GRID2: variants seen among roughly 807,000 people sequenced by gnomAD.
GRID2 encodes glutamate receptor ionotropic, delta-2.
GRID2 carries 33 observed loss-of-function variants against 114.8 expected under a neutral mutation model. The ratio of observed to expected loss-of-function variants is 0.29; its 90% CI spans 0.22 to 0.38. The LOEUF (loss-of-function observed/expected upper bound fraction) is 0.38, where lower values mean the gene tolerates loss of function less well. GRID2 is among the 10% of genes least tolerant of loss of function. GRID2 has a pLI of 1.00. For synonymous variants in GRID2, 505 were observed against 449.9 expected (o/e 1.12, Z -1.55); for missense variants, 1,184 against 1,257.7 (o/e 0.94, Z 0.89).
intron 8 of GRID2, among the ~76,000 whole-genome samples, chr4:93,292,608 T>C (rs1198843281): frequency 1.3e-5 from 2 of 152,166 alleles, no homozygotes; most frequent in Non-Finnish European, 2.9e-5. Context: ...AAACAAAAAA[T>C]GCCAGTCACT....
chr4:93,611,778 A>G (rs1237039620), intron 13 of GRID2, among the ~76,000 whole-genome samples: 1 of 148,352 alleles, frequency 6.7e-6, no homozygotes, highest in Non-Finnish European at 1.5e-5. Flanking sequence ...GTGCTGAAAA[A>G]AATGTATATT....
intron 4 of GRID2, among the ~76,000 whole-genome samples, chr4:93,197,185 C>G (rs1741582996): frequency 6.6e-6 from 1 of 152,138 alleles, no homozygotes; most frequent in African/African-American, 2.4e-5. Flanking sequence ...ACAAAATGTT[C>G]TGCAACATTC....
At chr4:92,971,693 C>G (rs1010701031) in intron 2 of GRID2, among the ~76,000 whole-genome samples, 1 of 151,998 alleles carries the variant, frequency 6.6e-6, no homozygotes, top group Non-Finnish European at 1.5e-5. Flanking sequence ...CCTACCCCCA[C>G]TCCTCCCATT....
chr4:93,562,721 G>T (rs1735041420), intron 13 of GRID2, among the ~76,000 whole-genome samples: 1 of 151,968 alleles, frequency 6.6e-6, no homozygotes, highest in Non-Finnish European at 1.5e-5. Context: ...AGGGAGCAAG[G>T]TTACTACCTA....
At chr4:93,618,372 G>A (rs753013453) in intron 13 of GRID2, among the ~76,000 whole-genome samples, 20 of 151,690 alleles carry the variant, frequency 1.3e-4, no homozygotes, top group African/African-American at 4.1e-4. Context: ...CTTTTTCTTC[G>A]TCAGCTCATG....
At chr4:92,493,247 ACTATT>A (rs1461549445) in intron 1 of GRID2, among the ~76,000 whole-genome samples, 3 of 152,144 alleles carry the variant, frequency 2.0e-5, no homozygotes, top group African/African-American at 4.8e-5. Context: ...GCATTATAAA[ACTATT>A]CTATTAAGTC....
intron 2 of GRID2, among the ~76,000 whole-genome samples, chr4:92,947,985 C>G (rs967595328): frequency 1.3e-5 from 2 of 151,604 alleles, no homozygotes; most frequent in Admixed American, 6.6e-5. Flanking sequence ...TTTATTGTGT[C>G]ATATGAAGGT....
intron 2 of GRID2, among the ~76,000 whole-genome samples, chr4:93,029,270 T>C (rs1724168357): frequency 6.6e-6 from 1 of 152,092 alleles, no homozygotes; most frequent in South Asian, 2.1e-4. Context: ...AAAAAAAATC[T>C]GTAATAAAAC....
At chr4:92,703,493 GAAGAGA>G (rs1734783771) in intron 2 of GRID2, among the ~76,000 whole-genome samples, 2 of 151,890 alleles carry the variant, frequency 1.3e-5, no homozygotes, top group East Asian at 3.9e-4. Flanking sequence ...TGACCTCCTA[GAAGAGA>G]ATGGGCTTTG....
At chr4:92,477,815 T>C (rs1284269406) in intron 1 of GRID2, among the ~76,000 whole-genome samples, 1 of 147,264 alleles carries the variant, frequency 6.8e-6, no homozygotes, top group Non-Finnish European at 1.5e-5. Flanking sequence ...ATTAATATAA[T>C]TAAAATAATA....
chr4:93,349,687 A>G (rs1760600839), intron 8 of GRID2, among the ~76,000 whole-genome samples: 1 of 152,048 alleles, frequency 6.6e-6, no homozygotes, highest in South Asian at 2.1e-4. Context: ...AAGTCACCTT[A>G]ATGTAAAGTC....
chr4:93,325,675 T>A (rs1396813657), intron 8 of GRID2, among the ~76,000 whole-genome samples: 1 of 150,832 alleles, frequency 6.6e-6, no homozygotes, highest in South Asian at 2.1e-4. Context: ...GATAGTATAC[T>A]ATTTTTTAGT....
chr4:93,648,430 C>A (rs1160963207), intron 14 of GRID2, among the ~76,000 whole-genome samples: 3 of 152,178 alleles, frequency 2.0e-5, no homozygotes, highest in African/African-American at 7.2e-5. Context: ...TGACTAGAAA[C>A]ATGCCTTATA....
chr4:92,513,380 T>C (rs1724348043), intron 1 of GRID2, among the ~76,000 whole-genome samples: 1 of 151,874 alleles, frequency 6.6e-6, no homozygotes, highest in South Asian at 2.1e-4. Context: ...CTGGGAACTC[T>C]ATGCACATTG....
At chr4:93,368,811 A>C (rs529438223) in intron 8 of GRID2, among the ~76,000 whole-genome samples, 5 of 152,346 alleles carry the variant, frequency 3.3e-5, no homozygotes, top group African/African-American at 4.8e-5. Flanking sequence ...AAAAGGAAGA[A>C]GATAACCTGG....
chr4:92,369,987 C>CAGCTA (rs1729045488), intron 1 of GRID2, among the ~76,000 whole-genome samples: 1 of 152,034 alleles, frequency 6.6e-6, no homozygotes, highest in Non-Finnish European at 1.5e-5. Context: ...TTACACTTCA[C>CAGCTA]TTTATTGCAC....
At chr4:92,404,898 G>A (rs1180177604) in intron 1 of GRID2, among the ~76,000 whole-genome samples, 1 of 152,124 alleles carries the variant, frequency 6.6e-6, no homozygotes, top group South Asian at 2.1e-4. Context: ...GGGAGGGAGA[G>A]CATCAGGATA....
At chr4:93,429,646 G>A (rs1478794789) in intron 10 of GRID2, among the ~76,000 whole-genome samples, 1 of 152,032 alleles carries the variant, frequency 6.6e-6, no homozygotes, top group Non-Finnish European at 1.5e-5. Context: ...AAGGAAAATA[G>A]ATCCAACAAT....
intron 14 of GRID2, among the ~76,000 whole-genome samples, chr4:93,717,474 C>A (rs369995482): frequency 6.6e-6 from 1 of 151,782 alleles, no homozygotes; most frequent in African/African-American, 2.4e-5. Context: ...CCTTATATTC[C>A]CCTTGTTGTA....
Sources: allele counts gnomAD v4.1 joint callset (sites outside exome capture counted in the v4.1 genomes callset), GRCh38; gene constraint gnomAD v4.1.1; transcripts MANE v1.5; gene names NCBI Gene and HGNC (gene_info 2026-07-23, HGNC 2026-07-21).